The following MRPL54 variants were observed in gnomAD, a reference collection of about 807,000 sequenced individuals.
MRPL54 encodes the protein large ribosomal subunit protein mL54.
MRPL54 carries 12 observed loss-of-function variants against 15.6 expected under a neutral mutation model. The observed-to-expected ratio is 0.77, with a 90% CI of 0.49 to 1.24. The LOEUF is 1.24. Ranked by LOEUF, MRPL54 falls within the 50% of genes most tolerant of loss-of-function variation. The pLI is 0.00. For synonymous variants in MRPL54, 91 were observed against 75.7 expected, an observed-to-expected ratio of 1.20 and a Z score of -1.05; for missense variants, 178 against 186.8, an observed-to-expected ratio of 0.95 and a Z score of 0.28.
At position 3,762,806 on chromosome 19, in the gene MRPL54, G is replaced by A. The variant is rs1274792809; in HGVS notation, c.106G>A (p.Ala36Thr). 2 of 1,584,308 alleles carry A rather than the reference G, an allele frequency of 1.3e-6. No homozygotes were observed. The highest frequency in any genetic ancestry group is 1.1e-5 in the South Asian group (1 of 88,968). ...CGGAAGACTCCTGGCCCGGGATTAT[G>A]CCAAGAAACCAGGTGAGCTGGGTTA... ...TSGRLLARDY[A>T]KKPVMKGAKS... Residue 36 changes from alanine to threonine, a missense_variant, in exon 1 of 3, where the codon GCC becomes ACC. Transcript: ENST00000330133.
chr19:3,763,279 G>A (rs912601732), intron 1 of MRPL54, among the ~76,000 whole-genome samples: 12 of 152,182 alleles, frequency 7.9e-5, no homozygotes, highest in Non-Finnish European at 1.8e-4. Context: ...ACAAAACAAG[G>A]TTATTAAGGT....
At chr19:3,766,968 G>T (rs1249236103) in intron 2 of MRPL54, among the ~76,000 whole-genome samples, 8 of 152,220 alleles carry the variant, frequency 5.3e-5, no homozygotes, top group Non-Finnish European at 1.5e-5. Context: ...GCTGGGGAGG[G>T]TCAGGAAGGC....
intron 2 of MRPL54, among the ~76,000 whole-genome samples, chr19:3,766,820 C>T (rs77349146): frequency 6.6e-6 from 1 of 152,222 alleles, no homozygotes; most frequent in South Asian, 2.1e-4. Context: ...GGGGCAGGAC[C>T]GCACCTGGTG....
chr19:3,764,835 T>C (rs944031237), intron 1 of MRPL54, among the ~76,000 whole-genome samples: 2 of 151,772 alleles, frequency 1.3e-5, no homozygotes, highest in Non-Finnish European at 2.9e-5. Flanking sequence ...GAGACCATCC[T>C]GGCTAACACG....
chr19:3,767,155 T>C, intron 2 of MRPL54, 106 bp from the exon 3 acceptor site: 17 of 1,389,810 alleles, frequency 1.2e-5, no homozygotes, highest in Non-Finnish European at 1.6e-5. Flanking sequence ...AGCCAACCAG[T>C]GGGCCTGGCA....
At chr19:3,763,868 C>T (rs561492392) in intron 1 of MRPL54, among the ~76,000 whole-genome samples, 25 of 151,068 alleles carry the variant, frequency 1.7e-4, no homozygotes, top group African/African-American at 5.3e-4. Context: ...GCCGAGATCA[C>T]GCCACTGCAC....
chr19:3,767,524 A>T lies in MRPL54; in HGVS notation c.*131A>T, dbSNP rs1285720423. 12 of 1,259,300 alleles carry T rather than the reference A, an allele frequency of 9.5e-6. No homozygotes were observed. The highest frequency in any genetic ancestry group is 1.5e-5 in the African/African-American group (1 of 64,866). The allele number at this position is 1,259,300 out of a possible 1,614,324, so 78.0% of individuals were successfully genotyped here. A position where few individuals can be genotyped will look rare whatever the true frequency, so the allele number is the denominator to read the frequency against. On this transcript the variant is annotated 3_prime_UTR_variant, in exon 3 of 3. Coordinates refer to ENST00000330133, the MANE Select transcript of MRPL54 (RefSeq NM_172251.3). ...TGTGACCCCACAGTGGGGCTGGACCAGGGCCCTGGAGGCCAATAAAGAGCT... is the reference window on the plus strand; with the variant it reads ...TGTGACCCCACAGTGGGGCTGGACCTGGGCCCTGGAGGCCAATAAAGAGCT...
At position 3,762,828 on chromosome 19, in the gene MRPL54, G is replaced by A. The variant is rs1400767788; in HGVS notation, c.118+10G>A. ...TATGCCAAGAAACCAGGTGAGCTGG[G>A]TTAAGAGGAACCAAATGGGGACGGT... is the stretch of plus-strand genomic sequence containing the variant. On this transcript the variant is annotated intron_variant, in intron 1 of 2. Coordinates refer to ENST00000330133, the MANE Select transcript of MRPL54 (RefSeq NM_172251.3). 3 of 1,553,430 alleles carry A rather than the reference G, an allele frequency of 1.9e-6. No homozygotes were observed. The highest frequency in any genetic ancestry group is 1.2e-5 in the South Asian group (1 of 85,906).
intron 2 of MRPL54, 115 bp from the exon 3 acceptor site, chr19:3,767,146 G>C (rs1194471968): frequency 2.9e-6 from 4 of 1,370,992 alleles, no homozygotes; most frequent in Non-Finnish European, 3.9e-6. Context: ...AGATCATGCA[G>C]CCAACCAGTG....
chr19:3,762,744 G>A lies in MRPL54; in HGVS notation c.44G>A (p.Gly15Asp). 6.2e-7 allele frequency: 1 copy of A among 1,610,938 alleles called. No homozygotes were observed. Among genetic ancestry groups the A allele is most frequent in the Non-Finnish European group, 8.5e-7 (1 of 1,178,754 alleles). ...RLFGATRTWAGWGAWELLNPA... is the reference protein window; with the variant it reads ...RLFGATRTWADWGAWELLNPA... ...TTCGGGGCTACCCGGACGTGGGCCG[G>A]CTGGGGGGCCTGGGAGCTCCTAAAC... The change falls in exon 1 of 3, where the codon GGC becomes GAC. Residue 15 changes from glycine to aspartate, a missense_variant. By Grantham distance (94) the Gly-to-Asp change is moderately conservative (BLOSUM62 -1). Coordinates refer to ENST00000330133, the MANE Select transcript of MRPL54 (RefSeq NM_172251.3).
At chr19:3,762,892 G>GGGGAGGTGGTGC (rs2037164187) in intron 1 of MRPL54, 74 bp downstream of exon 1, 1 of 1,268,240 alleles carries the variant, frequency 7.9e-7, no homozygotes, top group African/African-American at 1.5e-5. Context: ...GGCGGTGGTT[G>GGGGAGGTGGTGC]GGGAGGTGGT....
intron 1 of MRPL54, among the ~76,000 whole-genome samples, chr19:3,763,123 A>C (rs1004673972): frequency 6.6e-6 from 1 of 152,188 alleles, no homozygotes; most frequent in East Asian, 1.9e-4. Context: ...GTTGGAAAGG[A>C]TTTGAAGGGA....
intron 2 of MRPL54, among the ~76,000 whole-genome samples, chr19:3,766,420 G>A (rs2037198661): frequency 6.6e-6 from 1 of 151,916 alleles, no homozygotes; most frequent in East Asian, 1.9e-4. Flanking sequence ...CTCCATGTTG[G>A]CCAGGCTGGT....
At chr19:3,765,042 G>T in intron 1 of MRPL54, 124 bp from the exon 2 acceptor site, 6 of 872,806 alleles carry the variant, frequency 6.9e-6, no homozygotes, top group Non-Finnish European at 9.8e-6. Context: ...AAAAAAAAAA[G>T]AAAGTTTTGA....
intron 1 of MRPL54, 95 bp from the exon 2 acceptor site, chr19:3,765,071 A>G: frequency 7.8e-7 from 1 of 1,285,896 alleles, no homozygotes; most frequent in Non-Finnish European, 1.1e-6. Flanking sequence ...GAGTCCAGCC[A>G]GGGGCAGAGG....
chr19:3,763,902 A>G (rs1465067882), intron 1 of MRPL54, among the ~76,000 whole-genome samples: 1 of 150,828 alleles, frequency 6.6e-6, no homozygotes, highest in African/African-American at 2.4e-5. Context: ...ACACAGTGAG[A>G]CTCTGTCTCA....
chr19:3,765,063 G>T, intron 1 of MRPL54, 103 bp from the exon 2 acceptor site: 1 of 1,188,268 alleles, frequency 8.4e-7, no homozygotes. Context: ...GTGTAGCAGA[G>T]TCCAGCCAGG....
intron 2 of MRPL54, among the ~76,000 whole-genome samples, chr19:3,766,754 C>T (rs776197293): frequency 2.0e-5 from 3 of 152,114 alleles, no homozygotes; most frequent in South Asian, 2.1e-4. Flanking sequence ...GAAGCCAAGA[C>T]GGGAGTGGGT....
intron 1 of MRPL54, 56 bp downstream of exon 1, chr19:3,762,874 A>G: frequency 1.5e-6 from 2 of 1,364,956 alleles, no homozygotes; most frequent in Non-Finnish European, 2.0e-6. Flanking sequence ...AGGAATTGAC[A>G]GTGCGCAGGC....
Sources: gnomAD v4.1 joint callset for allele counts (sites outside exome capture counted in the v4.1 genomes callset) on GRCh38, gnomAD v4.1.1 for gene constraint, MANE v1.5 for transcripts, NCBI Gene and HGNC (gene_info 2026-07-23, HGNC 2026-07-21) for gene names.